Variants in NCAM2 observed in about 807,000 individuals in gnomAD.
NCAM2 encodes the protein N-CAM-2.
Under a neutral mutation model 98.1 loss-of-function variants are expected in NCAM2, and 30 were observed. The ratio of observed to expected loss-of-function variants is 0.31; its 90% confidence interval spans 0.23 to 0.41. NCAM2 has a LOEUF of 0.41. NCAM2 is among the 10% of genes least tolerant of loss of function. The pLI is 1.00. For synonymous variants in NCAM2, 368 were observed against 342.4 expected, an observed-to-expected ratio of 1.07 and a Z score of -0.83; for missense variants, 867 against 1,005.8, an observed-to-expected ratio of 0.86 and a Z score of 1.87.
chr21:21,071,831 A>G (rs2065570603), intron 1 of NCAM2, among the ~76,000 whole-genome samples: 1 of 152,206 alleles, frequency 6.6e-6, no homozygotes, highest in South Asian at 2.1e-4. Flanking sequence ...TGTTAGCTAC[A>G]TAATAAAGTG....
Position 21,311,599 on chromosome 21 carries a change from C to A in NCAM2, c.620-12784C>A, listed in dbSNP as rs564361686. ...CTCGTGATCCACCCACCTCAGCCTC[C>A]CAAAGTTCTGGGATTACAGGCGTGA... On this transcript the variant is annotated intron_variant, in intron 5 of 17. Transcript: ENST00000400546. 1.1e-4 allele frequency among the ~76,000 whole-genome samples: 16 copies of A among 152,214 alleles called. No individual in the cohort carries two copies. In the South Asian group the frequency reaches 1.5e-3, roughly 14 times the overall value.
intron 9 of NCAM2, among the ~76,000 whole-genome samples, chr21:21,383,485 C>T (rs1286980329): frequency 1.3e-5 from 2 of 152,072 alleles, no homozygotes; most frequent in Non-Finnish European, 2.9e-5. Context: ...AGGGCCCGTC[C>T]CCTGGGAAAA....
intron 12 of NCAM2, among the ~76,000 whole-genome samples, chr21:21,454,814 C>G (rs769361984): frequency 1.6e-4 from 25 of 151,892 alleles, no homozygotes; most frequent in Non-Finnish European, 2.9e-4. Context: ...GAGAAAACAC[C>G]TGCTCTGTGG....
chr21:21,427,447 G>A (rs918409223), intron 11 of NCAM2, among the ~76,000 whole-genome samples: 1 of 152,088 alleles, frequency 6.6e-6, no homozygotes, highest in African/African-American at 2.4e-5. Flanking sequence ...CAAGACATTG[G>A]TTACATTGAA....
In NCAM2 at chr21:21,436,848, G is replaced by A. The variant is rs368798820; in HGVS notation, c.1654+4567G>A. 3.3e-5 allele frequency among the ~76,000 whole-genome samples: 5 copies of A among 150,654 alleles called. No individual in the cohort carries two copies. The South Asian group carries it at 6.3e-4, about 19-fold the overall frequency. On this transcript the variant is annotated intron_variant, in intron 12 of 17. Transcript: ENST00000400546. ...GTGATCTCAGCTCACTGCAACCTCC[G>A]CCTGCCGGGTTCAAGCGATTCTCGT...
chr21:21,141,674 T>C (rs2067170822), intron 1 of NCAM2, among the ~76,000 whole-genome samples: 1 of 152,176 alleles, frequency 6.6e-6, no homozygotes, highest in South Asian at 2.1e-4. Flanking sequence ...CCTTTACTCA[T>C]GGAAGGCTCT....
chr21:21,480,703 T>G (rs1260702498), intron 15 of NCAM2, among the ~76,000 whole-genome samples: 3 of 152,204 alleles, frequency 2.0e-5, no homozygotes, highest in Non-Finnish European at 2.9e-5. Context: ...ATAAACAGAT[T>G]ATTCTTTCTC....
rs1250545176 is a variant in NCAM2, at chr21:21,410,913, A to G, written c.1383+452A>G. ...CCCCAGCTACTCAGGAGGCTGAGGC[A>G]GGAGAATCACTTGAACTTGGGAGGT... On this transcript the variant is annotated intron_variant, in intron 10 of 17. Coordinates refer to ENST00000400546, the MANE Select transcript of NCAM2 (RefSeq NM_004540.5). Among the ~76,000 whole-genome samples the G allele has an allele frequency of 2.7e-5, 4 of 147,818 alleles. 1 individual carries two copies. In the East Asian group the frequency reaches 8.1e-4, roughly 30 times the overall value.
intron 1 of NCAM2, among the ~76,000 whole-genome samples, chr21:21,101,326 A>T (rs1163795851): frequency 2.0e-5 from 3 of 152,104 alleles, no homozygotes; most frequent in African/African-American, 7.2e-5. Context: ...AATCATAGCT[A>T]AATGTAAAAT....
At chr21:21,239,217 G>A (rs1211377965) in intron 1 of NCAM2, 2 of 152,114 alleles carry the variant, frequency 1.3e-5, no homozygotes, top group Non-Finnish European at 2.9e-5. Flanking sequence ...TTTCCCTGAG[G>A]CATTGGCAAC....
intron 1 of NCAM2, among the ~76,000 whole-genome samples, chr21:21,044,319 T>C (rs2064966950): frequency 6.6e-6 from 1 of 152,154 alleles, no homozygotes; most frequent in Admixed American, 6.5e-5. Context: ...AGTATGGTCT[T>C]ATAGCAGATT....
At chr21:21,249,839 C>T (rs915955499) in intron 1 of NCAM2, among the ~76,000 whole-genome samples, 2 of 152,074 alleles carry the variant, frequency 1.3e-5, no homozygotes, top group Non-Finnish European at 2.9e-5. Flanking sequence ...TTATTTGAAT[C>T]TATGAATTTT....
chr21:21,468,768 T>A lies in NCAM2; in HGVS notation c.1881T>A (p.Ile627=), dbSNP rs1349488966. Residue 627 remains isoleucine (I), a synonymous_variant, in exon 14 of 18, where the codon ATT becomes ATA. Coordinates refer to ENST00000400546, the MANE Select transcript of NCAM2 (RefSeq NM_004540.5). ...DDGGAPILEY[I]VKYRSKDKED... is the part of the protein sequence containing the mutation. ...GAGGGGCCCCTATTTTGGAATACAT[T>A]GTGAAATATAGAAGTGTAAGTACCT... 6.2e-7 allele frequency: 1 copy of A among 1,610,814 alleles called. No individual in the cohort carries two copies. The highest frequency in any genetic ancestry group is 8.5e-7 in the Non-Finnish European group (1 of 1,177,984).
intron 1 of NCAM2, among the ~76,000 whole-genome samples, chr21:21,129,235 C>G (rs1407749095): frequency 6.6e-6 from 1 of 152,042 alleles, no homozygotes; most frequent in Non-Finnish European, 1.5e-5. Context: ...TCAAACACTT[C>G]TTTTACTTTT....
At chr21:21,331,513 C>CTATATATATATA (rs1400140050) in intron 6 of NCAM2, among the ~76,000 whole-genome samples, 1 of 5,788 alleles carries the variant, frequency 1.7e-4, no homozygotes, top group African/African-American at 5.0e-4. Context: ...TATACTCTCT[C>CTATATATATATA]TCTCTATATA....
intron 1 of NCAM2, among the ~76,000 whole-genome samples, chr21:21,152,875 A>G (rs1196090059): frequency 1.3e-5 from 2 of 152,064 alleles, no homozygotes; most frequent in South Asian, 2.1e-4. Context: ...CTCCTGTTCT[A>G]TAATAATCTG....
At chr21:21,237,980 G>T (rs2070906430) in intron 1 of NCAM2, among the ~76,000 whole-genome samples, 1 of 119,586 alleles carries the variant, frequency 8.4e-6, no homozygotes, top group Non-Finnish European at 1.6e-5. Flanking sequence ...TTTTGAGACG[G>T]AGTCTCGCTC....
intron 1 of NCAM2, among the ~76,000 whole-genome samples, chr21:21,272,009 G>A (rs1191745027): frequency 2.0e-5 from 3 of 152,100 alleles, no homozygotes; most frequent in Admixed American, 1.3e-4. Context: ...AAACCTGCAT[G>A]TTGTGCACAT....
Position 21,348,392 on chromosome 21 carries a change from G to T in NCAM2, c.1044+9858G>T, listed in dbSNP as rs552647929. 3.3e-5 allele frequency among the ~76,000 whole-genome samples: 5 copies of T among 152,090 alleles called. No homozygotes were observed. The East Asian group carries it at 9.7e-4, about 29-fold the overall frequency. ...ATTAAATACCTAGGAATTAACCAAA[G>T]AAGTGAAATGTATCTATAATGAAAA... On this transcript the variant is annotated intron_variant, in intron 8 of 17. Transcript: ENST00000400546.
Sources: gnomAD v4.1 joint callset for allele counts (sites outside exome capture counted in the v4.1 genomes callset) on GRCh38, gnomAD v4.1.1 for gene constraint, MANE v1.5 for transcripts, NCBI Gene and HGNC (gene_info 2026-07-23, HGNC 2026-07-21) for gene names.